The following SLC9B1 variants were observed in gnomAD, a reference collection of about 807,000 sequenced individuals.
SLC9B1 encodes the protein solute carrier family 9 member B1, also known as sodium/hydrogen exchanger 9B1.
Under a neutral mutation model 51.7 loss-of-function variants are expected in SLC9B1, and 32 were observed. That is an observed-to-expected ratio of 0.62 (90% confidence interval 0.47 to 0.83). The LOEUF (loss-of-function observed/expected upper bound fraction) is 0.83. SLC9B1 is among the 40% of genes least tolerant of loss of function. SLC9B1 has a pLI of 0.00. For missense variants in SLC9B1, 406 were observed against 613.2 expected (o/e 0.66, Z 3.57); for synonymous variants, 145 against 212.7 (o/e 0.68, Z 2.77).
At chr4:102,998,958 C>G (rs1254230729) in intron 1 of SLC9B1, among the ~76,000 whole-genome samples, 2 of 152,118 alleles carry the variant, frequency 1.3e-5, no homozygotes, top group Non-Finnish European at 2.9e-5. Flanking sequence ...CTCCTGGGCT[C>G]AAGGGATCCT....
At chr4:102,898,751 G>A (rs1375815612), downstream of SLC9B1, among the ~76,000 whole-genome samples, 1 of 152,074 alleles carries the variant, frequency 6.6e-6, no homozygotes, top group Admixed American at 6.6e-5. Context: ...TTTTTGAGAC[G>A]GAGTCTCGCT....
intron 3 of SLC9B1, among the ~76,000 whole-genome samples, chr4:102,961,286 C>T (rs1014064545): frequency 1.3e-5 from 2 of 152,236 alleles, no homozygotes; most frequent in African/African-American, 2.4e-5. Context: ...TAATAGAAGA[C>T]TAAAAAAAGG....
intron 1 of SLC9B1, among the ~76,000 whole-genome samples, chr4:103,005,276 AAC>A (rs1194933340): frequency 3.0e-4 from 40 of 134,836 alleles, no homozygotes; most frequent in African/African-American, 1.1e-3. Context: ...AAAAAAAAAA[AAC>A]CAGAAAAAAG....
rs528702736 is a variant in SLC9B1, at chr4:102,995,458, C to A, written c.-1-3746G>T. 4.6e-5 allele frequency among the ~76,000 whole-genome samples: 7 copies of A among 152,192 alleles called. No individual in the cohort carries two copies. The East Asian group carries it at 1.2e-3, about 25-fold the overall frequency. Reference sequence around the variant, plus strand: ...ATGGAGACATCAAGCGACTAGGCAGCATATTTTAAGATATGTAACTATAAT... The same window carrying A: ...ATGGAGACATCAAGCGACTAGGCAGAATATTTTAAGATATGTAACTATAAT... On this transcript the variant is annotated intron_variant, in intron 1 of 11. Coordinates refer to ENST00000296422, the MANE Select transcript of SLC9B1 (RefSeq NM_139173.4).
intron 3 of SLC9B1, chr4:102,962,657 C>T: frequency 2.1e-6 from 1 of 468,842 alleles, no homozygotes; most frequent in Non-Finnish European, 4.4e-6. Flanking sequence ...CTGCATCAAT[C>T]ACATCCTGAT....
intron 1 of SLC9B1, among the ~76,000 whole-genome samples, chr4:102,995,586 T>A (rs949314017): frequency 2.0e-5 from 3 of 152,170 alleles, no homozygotes; most frequent in Admixed American, 1.3e-4. Context: ...TTAATAGCTA[T>A]AAGAGAAGCT....
At chr4:103,003,347 AATT>A (rs2110532116) in intron 1 of SLC9B1, among the ~76,000 whole-genome samples, 1 of 152,120 alleles carries the variant, frequency 6.6e-6, no homozygotes, top group South Asian at 2.1e-4. Context: ...CATCCCCTCC[AATT>A]ATTCTTCACT....
intron 11 of SLC9B1, chr4:102,888,142 T>C (rs1407928030): frequency 1.4e-5 from 2 of 143,812 alleles, no homozygotes; most frequent in African/African-American, 5.4e-5. Flanking sequence ...ACAACCAAAC[T>C]CATGGGCTGC....
chr4:102,924,255 C>A (rs759728858), intron 7 of SLC9B1, among the ~76,000 whole-genome samples: 1 of 152,036 alleles, frequency 6.6e-6, no homozygotes, highest in Non-Finnish European at 1.5e-5. Flanking sequence ...TAATACGACA[C>A]ATCTACAACC....
At chr4:102,946,626 G>A (rs745933634) in intron 5 of SLC9B1, 21 bp downstream of exon 5, 2 of 1,593,760 alleles carry the variant, frequency 1.3e-6, no homozygotes, top group South Asian at 1.2e-5. Flanking sequence ...AACCTTACTC[G>A]ATTTGTAATT....
intron 11 of SLC9B1, among the ~76,000 whole-genome samples, chr4:102,886,140 T>G (rs938749282): frequency 6.6e-6 from 1 of 152,160 alleles, no homozygotes; most frequent in African/African-American, 2.4e-5. Context: ...TGACATGAGA[T>G]CCTGATATGA....
At chr4:102,923,838 C>A (rs1173446332) in intron 7 of SLC9B1, among the ~76,000 whole-genome samples, 2 of 152,198 alleles carry the variant, frequency 1.3e-5, no homozygotes, top group South Asian at 4.1e-4. Context: ...ACCTAGGAAT[C>A]CAACTTACAA....
intron 6 of SLC9B1, among the ~76,000 whole-genome samples, chr4:102,935,982 TG>T (rs1260192143): frequency 6.6e-6 from 1 of 152,184 alleles, no homozygotes; most frequent in Non-Finnish European, 1.5e-5. Context: ...GTAGGGACCT[TG>T]CTACAATCAC....
chr4:102,940,330 C>A (rs1238043315), intron 6 of SLC9B1, among the ~76,000 whole-genome samples: 2 of 152,062 alleles, frequency 1.3e-5, no homozygotes, highest in Non-Finnish European at 2.9e-5. Context: ...ATGAAAATTA[C>A]AAACGAGTGC....
chr4:102,907,338 G>GA (rs1157866308), intron 9 of SLC9B1, among the ~76,000 whole-genome samples: 1 of 152,084 alleles, frequency 6.6e-6, no homozygotes, highest in Non-Finnish European at 1.5e-5. Context: ...AGGGGGTTGG[G>GA]AAGCCCTCCA....
At chr4:102,983,514 G>A (rs1739463410) in intron 3 of SLC9B1, among the ~76,000 whole-genome samples, 1 of 152,068 alleles carries the variant, frequency 6.6e-6, no homozygotes, top group South Asian at 2.1e-4. Flanking sequence ...ATCCACCTGG[G>A]CCCAGTACAT....
chr4:103,005,741 C>T (rs528292754), intron 1 of SLC9B1, among the ~76,000 whole-genome samples: 22 of 151,892 alleles, frequency 1.4e-4, no homozygotes, highest in Non-Finnish European at 3.0e-4. Context: ...AAAAACTGAA[C>T]CACACTCTTA....
chr4:102,987,262 T>C (rs540052284), intron 3 of SLC9B1, among the ~76,000 whole-genome samples: 1 of 152,252 alleles, frequency 6.6e-6, no homozygotes, highest in African/African-American at 2.4e-5. Context: ...GAGTTGGATA[T>C]TTTCCTTCAA....
At chr4:102,927,755 A>C (rs953667049) in intron 7 of SLC9B1, among the ~76,000 whole-genome samples, 2 of 152,164 alleles carry the variant, frequency 1.3e-5, no homozygotes, top group Non-Finnish European at 1.5e-5. Flanking sequence ...AAATCATGCT[A>C]CTATAAAGAC....
Sources: allele counts gnomAD v4.1 joint callset (sites outside exome capture counted in the v4.1 genomes callset), GRCh38; gene constraint gnomAD v4.1.1; transcripts MANE v1.5; gene names NCBI Gene and HGNC (gene_info 2026-07-23, HGNC 2026-07-21).